PIWIL2: variants seen among roughly 807,000 people sequenced by gnomAD.
The protein encoded by PIWIL2 is piwi-like protein 2.
A neutral mutation model predicts 116.5 loss-of-function variants in PIWIL2; 81 were observed. The ratio of observed to expected loss-of-function variants is 0.70; its 90% confidence interval spans 0.58 to 0.84. The LOEUF (loss-of-function observed/expected upper bound fraction) is 0.84, where lower values mean the gene tolerates loss of function less well. Ranked by LOEUF, PIWIL2 falls within the 40% of genes least tolerant of loss-of-function variation. PIWIL2 has a pLI of 0.00. For missense variants in PIWIL2, 1,272 were observed against 1,212.3 expected (o/e 1.05, Z -0.73); for synonymous variants, 489 against 429.5 (o/e 1.14, Z -1.71).
At chr8:22,315,183 A>C (rs1362585597) in intron 18 of PIWIL2, 38 bp downstream of exon 18, 1 of 1,119,422 alleles carries the variant, frequency 8.9e-7, no homozygotes, top group East Asian at 2.3e-5. Flanking sequence ...GCCTCTCCAG[A>C]GAATCCTCCA....
At chr8:22,346,042 A>G (rs1832219831) in intron 20 of PIWIL2, among the ~76,000 whole-genome samples, 1 of 152,072 alleles carries the variant, frequency 6.6e-6, no homozygotes, top group Admixed American at 6.6e-5. Context: ...AGTAATAAAA[A>G]ACCATTTAAT....
chr8:22,309,351 G>GC (rs1264541936), intron 14 of PIWIL2, among the ~76,000 whole-genome samples: 2 of 151,824 alleles, frequency 1.3e-5, no homozygotes, highest in East Asian at 3.9e-4. Flanking sequence ...ATTTAAAAAA[G>GC]TTTTTTTGAG....
At position 22,341,560 on chromosome 8, in the gene PIWIL2, A is replaced by C. The variant is rs998567773; in HGVS notation, c.2404-11399A>C. On this transcript the variant is annotated intron_variant, in intron 20 of 22. Transcript: ENST00000356766. ...CGGTGAACCAGGATTGTGCCATTGC[A>C]CTCCAGCCTGGGCAACAACAGCGAA... Among the ~76,000 whole-genome samples, 38 of 144,444 alleles carry C rather than the reference A, an allele frequency of 2.6e-4. 3 individuals carry two copies. The highest frequency in any genetic ancestry group is 4.5e-5 in the Non-Finnish European group (3 of 67,070). 94.8% of individuals were successfully genotyped at this position (144,444 alleles called of 152,430 possible).
In PIWIL2 at chr8:22,339,041, G is replaced by C. The variant is rs546530971; in HGVS notation, c.2404-13918G>C. On this transcript the variant is annotated intron_variant, in intron 20 of 22. Transcript: ENST00000356766. ...AAATAAACCCATGGGCCTATGGCCG[G>C]TTAACTGATTTTCAGCAAGTTTGCC... 2.0e-5 allele frequency among the ~76,000 whole-genome samples: 3 copies of C among 152,344 alleles called. No homozygotes were observed. In the East Asian group the frequency reaches 5.8e-4, roughly 29 times the overall value.
At chr8:22,291,586 A>G (rs562007757) in intron 10 of PIWIL2, among the ~76,000 whole-genome samples, 80 of 152,314 alleles carry the variant, frequency 5.3e-4, no homozygotes, top group Non-Finnish European at 9.0e-4. Context: ...CTTTTAATAT[A>G]TATCTAATAT....
Position 22,290,255 on chromosome 8 carries a change from G to A in PIWIL2, c.1090G>A (p.Ala364Thr). ...CAGATTGCAGATCTGGCCAGGCTAT[G>A]CAGCTAGCATCCGAAGGACAGATGG... is the stretch of plus-strand genomic sequence containing the variant. Reference protein sequence around the residue: ...QHRLQIWPGYAASIRRTDGGL... With the variant: ...QHRLQIWPGYTASIRRTDGGL... Residue 364 changes from alanine to threonine, a missense_variant, in exon 10 of 23, where the codon GCA (alanine) becomes ACA (threonine). Transcript: ENST00000356766. 1.2e-6 allele frequency: 2 copies of A among 1,609,410 alleles called. No homozygotes were observed. The highest frequency in any genetic ancestry group is 1.1e-5 in the South Asian group (1 of 90,902).
At chr8:22,283,499 C>T (rs79569143) in intron 5 of PIWIL2, among the ~76,000 whole-genome samples, 2,962 of 152,292 alleles carry the variant, frequency 0.019, 62 homozygotes, top group East Asian at 0.06. Flanking sequence ...ACCTCCGCCT[C>T]GCGGGTTCAA....
At position 22,311,147 on chromosome 8, in the gene PIWIL2, G is replaced by A. The variant is rs1831319443; in HGVS notation, c.1836G>A (p.Lys612=). The A allele has an allele frequency of 6.2e-7, 1 of 1,613,686 alleles. No homozygotes were observed. Among genetic ancestry groups the A allele is most frequent in the Middle Eastern group, 1.7e-4 (1 of 6,056 alleles). ...PMHFWALFYP[K]RAMDQARELV... ...ATTTCTGGGCACTTTTTTACCCAAAGAGAGCAATGGACCAGGCTCGAGAAC... is the reference window on the plus strand; with the variant it reads ...ATTTCTGGGCACTTTTTTACCCAAAAAGAGCAATGGACCAGGCTCGAGAAC... The change falls in exon 16 of 23, where the codon AAG becomes AAA. Residue 612 remains lysine, a synonymous_variant. Coordinates refer to ENST00000356766, the MANE Select transcript of PIWIL2 (RefSeq NM_018068.5).
intron 2 of PIWIL2, among the ~76,000 whole-genome samples, chr8:22,280,366 G>A (rs563603383): frequency 1.2e-4 from 18 of 152,226 alleles, no homozygotes; most frequent in Middle Eastern, 3.4e-3. Flanking sequence ...AACACTTAAC[G>A]TGTATATGTT....
chr8:22,302,923 A>G (rs377686893), intron 10 of PIWIL2, among the ~76,000 whole-genome samples: 243 of 152,336 alleles, frequency 1.6e-3, no homozygotes, highest in African/African-American at 5.4e-3. Flanking sequence ...CTCAACTTAG[A>G]CAACAAATCT....
At chr8:22,325,182 T>G (rs978282414) in intron 20 of PIWIL2, among the ~76,000 whole-genome samples, 1 of 152,106 alleles carries the variant, frequency 6.6e-6, no homozygotes, top group Non-Finnish European at 1.5e-5. Flanking sequence ...CAGGGAAGAA[T>G]TATAAAGTCA....
rs779755341 is a variant in PIWIL2 at position 22,309,989 on chromosome 8, G to T, written c.1715G>T (p.Arg572Ile). Reference protein sequence around the residue: ...KIEGRVLPMERINLKNTSFIT... With the variant: ...KIEGRVLPMEIINLKNTSFIT... ...GAAGGACGTGTTCTGCCAATGGAAA[G>T]AATTAACTTAAAAAATACTTCGTTT... The change falls in exon 15 of 23, where the codon AGA becomes ATA. Residue 572 changes from arginine (R) to isoleucine (I), a missense_variant. Coordinates refer to ENST00000356766, the MANE Select transcript of PIWIL2 (RefSeq NM_018068.5). 6.2e-7 allele frequency: 1 copy of T among 1,609,468 alleles called. No homozygotes were observed. Among genetic ancestry groups the T allele is most frequent in the Non-Finnish European group, 8.5e-7 (1 of 1,175,820 alleles).
intron 10 of PIWIL2, 124 bp downstream of exon 10, chr8:22,290,470 C>G: frequency 1.7e-6 from 1 of 597,786 alleles, no homozygotes; most frequent in Non-Finnish European, 3.1e-6. Flanking sequence ...GAGACAGGGT[C>G]TTGTTTTGTC....
rs1363255165 is a variant in PIWIL2 at position 22,288,574 on chromosome 8, C to T, written c.894C>T (p.Asp298=). 4 of 1,610,818 alleles carry T rather than the reference C, an allele frequency of 2.5e-6. No individual in the cohort carries two copies. Among genetic ancestry groups the T allele is most frequent in the Non-Finnish European group, 3.4e-6 (4 of 1,177,024 alleles). Residue 298 remains aspartate (D), a synonymous_variant, in exon 8 of 23, where the codon GAC becomes GAT. Coordinates refer to ENST00000356766, the MANE Select transcript of PIWIL2 (RefSeq NM_018068.5). ...VLELKSQRKT[D]SAEISIKIQM... The stretch of plus-strand genomic sequence containing the variant: ...AGTTAAAAAGTCAAAGGAAAACAGA[C>T]AGTGCTGAAATCAGCATTAAGATTC...
At chr8:22,289,967 GGAAA>G in intron 9 of PIWIL2, 40 bp downstream of exon 9, 1 of 1,335,028 alleles carries the variant, frequency 7.5e-7, no homozygotes, top group Non-Finnish European at 1.1e-6. Context: ...TGAATGTTCT[GGAAA>G]GAAAGTTTCC....
intron 17 of PIWIL2, 133 bp from the exon 18 acceptor site, chr8:22,314,896 T>C: frequency 7.7e-6 from 5 of 647,282 alleles, no homozygotes; most frequent in Non-Finnish European, 1.1e-5. Flanking sequence ...AGAATTAGAA[T>C]TATTAATGCG....
chr8:22,286,528 C>G (rs961227513), intron 6 of PIWIL2, among the ~76,000 whole-genome samples: 1 of 152,114 alleles, frequency 6.6e-6, no homozygotes, highest in African/African-American at 2.4e-5. Flanking sequence ...CAGTGGCTCA[C>G]GTCTGTAATC....
In PIWIL2 at chr8:22,304,225, TG is replaced by T. The variant is rs1237079598; in HGVS notation, c.1370+19del. 1 of 1,595,248 alleles carries T rather than the reference TG, an allele frequency of 6.3e-7. No individual in the cohort carries two copies. ...AATACTACAGGTAGCAAGAAGAGAC[TG>T]GGTTTGGGCCTCAGGGTGGGGGTTG... On this transcript the variant is annotated intron_variant, in intron 11 of 22. Transcript: ENST00000356766.
chr8:22,335,290 C>T (rs1308735612), intron 20 of PIWIL2, among the ~76,000 whole-genome samples: 3 of 151,996 alleles, frequency 2.0e-5, no homozygotes, highest in Non-Finnish European at 2.9e-5. Flanking sequence ...TGTAACTGAA[C>T]TCAACACTCA....
Sources: gnomAD v4.1 joint callset for allele counts (sites outside exome capture counted in the v4.1 genomes callset) on GRCh38, gnomAD v4.1.1 for gene constraint, MANE v1.5 for transcripts, NCBI Gene and HGNC (gene_info 2026-07-23, HGNC 2026-07-21) for gene names.